The following TMEM38B variants were observed in gnomAD, a reference collection of about 807,000 sequenced individuals.
TMEM38B encodes the protein trimeric intracellular cation channel type B.
In TMEM38B, 24 loss-of-function variants were observed where a neutral mutation model predicts 28.7. That is an observed-to-expected ratio of 0.84 (90% CI 0.61 to 1.18). The LOEUF is 1.18. Ranked by LOEUF, TMEM38B falls within the 50% of genes most tolerant of loss-of-function variation. TMEM38B has a pLI of 0.00. For missense variants in TMEM38B, 380 were observed against 350.9 expected, an observed-to-expected ratio of 1.08 and a Z score of -0.66; for synonymous variants, 131 against 127.7, an observed-to-expected ratio of 1.03 and a Z score of -0.17.
At chr9:105,704,331 A>G (rs1039463628) in intron 1 of TMEM38B, among the ~76,000 whole-genome samples, 5 of 152,086 alleles carry the variant, frequency 3.3e-5, no homozygotes, top group Non-Finnish European at 7.4e-5. Context: ...CAGGATGCTG[A>G]GGTTGCTGTG....
intron 5 of TMEM38B, among the ~76,000 whole-genome samples, chr9:105,752,226 A>G (rs1043867996): frequency 6.6e-6 from 1 of 152,174 alleles, no homozygotes; most frequent in Non-Finnish European, 1.5e-5. Flanking sequence ...TCTGTGACTC[A>G]GTTGACTCAT....
In TMEM38B at chr9:105,728,656, A is replaced by G. The variant is rs374505047; in HGVS notation, c.542+6035A>G. 8.5e-5 allele frequency among the ~76,000 whole-genome samples: 13 copies of G among 152,286 alleles called. No homozygotes were observed. In the East Asian group the frequency reaches 2.1e-3, roughly 25 times the overall value. ...ATTTCTAGTTCTAGATCCTTGAGGA[A>G]TCACCACTGTCTTCCACAATGGTTG... On this transcript the variant is annotated intron_variant, in intron 4 of 5. Coordinates refer to ENST00000374692, the MANE Select transcript of TMEM38B (RefSeq NM_018112.3).
In TMEM38B at chr9:105,767,928, T is replaced by C. The variant is rs186132118; in HGVS notation, c.661-5937T>C. 6.4e-3 allele frequency among the ~76,000 whole-genome samples: 978 copies of C among 152,290 alleles called. 4 individuals are homozygous for C. The highest frequency in any genetic ancestry group is 0.01 in the Middle Eastern group (3 of 294). On this transcript the variant is annotated intron_variant, in intron 5 of 5. Coordinates refer to ENST00000374692, the MANE Select transcript of TMEM38B (RefSeq NM_018112.3). ...TTCAACCCGGATGCTGTTTTTTTCC[T>C]TGCCTTATTATATTGGCTAGAATGT...
chr9:105,728,231 ATC>A (rs539365614), intron 4 of TMEM38B, among the ~76,000 whole-genome samples: 2 of 151,836 alleles, frequency 1.3e-5, no homozygotes, highest in Non-Finnish European at 2.9e-5. Context: ...TCCTAACACT[ATC>A]TCTCTCCCAG....
At chr9:105,744,624 T>C (rs904345952) in intron 4 of TMEM38B, among the ~76,000 whole-genome samples, 3 of 152,134 alleles carry the variant, frequency 2.0e-5, no homozygotes, top group Admixed American at 6.6e-5. Context: ...TTAGGGTACA[T>C]GTGCAGAACG....
At chr9:105,748,000 A>C in intron 4 of TMEM38B, 73 bp from the exon 5 acceptor site, 2 of 949,998 alleles carry the variant, frequency 2.1e-6, no homozygotes, top group Non-Finnish European at 3.4e-6. Flanking sequence ...AATGTTTTGC[A>C]GTGCACTCTT....
chr9:105,767,931 C>A (rs1826427520), intron 5 of TMEM38B, among the ~76,000 whole-genome samples: 1 of 151,860 alleles, frequency 6.6e-6, no homozygotes, highest in South Asian at 2.1e-4. Flanking sequence ...TTTTTCCTTG[C>A]CTTATTATAT....
intron 2 of TMEM38B, among the ~76,000 whole-genome samples, chr9:105,720,405 G>GT (rs1836274914): frequency 6.6e-6 from 1 of 152,014 alleles, no homozygotes; most frequent in South Asian, 2.1e-4. Context: ...AATTGGTTTA[G>GT]TTTTACAGAG....
intron 5 of TMEM38B, chr9:105,760,622 A>T: frequency 1.3e-6 from 1 of 783,694 alleles, no homozygotes; most frequent in Non-Finnish European, 2.3e-6. Context: ...CAGTTTCAGA[A>T]GGAATACCCC....
Position 105,775,200 on chromosome 9 carries a change from G to A in TMEM38B, c.*1120G>A, listed in dbSNP as rs1826687817. The A allele has an allele frequency of 6.6e-6, 1 of 151,990 alleles. No homozygotes were observed. Among genetic ancestry groups the A allele is most frequent in the Non-Finnish European group, 1.5e-5 (1 of 67,942 alleles). 9.4% of individuals were successfully genotyped at this position (151,990 alleles called of 1,614,324 possible). A position where few individuals can be genotyped will look rare whatever the true frequency, so the allele number is the denominator to read the frequency against. The stretch of plus-strand genomic sequence containing the variant: ...CTCTGAGAATTGTCCTTAGGCATTT[G>A]GTAGTAACCAGCTAACCAAGAAGAA... On this transcript the variant is annotated 3_prime_UTR_variant, in exon 6 of 6. Coordinates refer to ENST00000374692, the MANE Select transcript of TMEM38B (RefSeq NM_018112.3).
At chr9:105,749,833 G>A (rs10046878) in intron 5 of TMEM38B, among the ~76,000 whole-genome samples, 1,543 of 152,266 alleles carry the variant, frequency 0.01, 23 homozygotes, top group African/African-American at 0.035. Context: ...GAACATTCAT[G>A]TAAAAATTTT....
At chr9:105,770,084 G>A (rs1387291373) in intron 5 of TMEM38B, among the ~76,000 whole-genome samples, 1 of 152,006 alleles carries the variant, frequency 6.6e-6, no homozygotes, top group Non-Finnish European at 1.5e-5. Context: ...CATTGAATAA[G>A]GTGTAATGTA....
At chr9:105,769,421 T>G (rs1826473907) in intron 5 of TMEM38B, among the ~76,000 whole-genome samples, 1 of 152,182 alleles carries the variant, frequency 6.6e-6, no homozygotes. Flanking sequence ...GCTCAAGTGA[T>G]CTTCCCACCT....
chr9:105,750,337 T>C (rs1837601808), intron 5 of TMEM38B, among the ~76,000 whole-genome samples: 1 of 152,152 alleles, frequency 6.6e-6, no homozygotes, highest in African/African-American at 2.4e-5. Context: ...TAAAATTTTG[T>C]TGAAGGCCGG....
chr9:105,736,391 C>G (rs1836981038), intron 4 of TMEM38B, among the ~76,000 whole-genome samples: 2 of 151,962 alleles, frequency 1.3e-5, no homozygotes, highest in Non-Finnish European at 2.9e-5. Flanking sequence ...GCTATTGCAG[C>G]TCTATTTTTT....
At chr9:105,712,814 C>G (rs1284192281) in intron 2 of TMEM38B, among the ~76,000 whole-genome samples, 3 of 152,252 alleles carry the variant, frequency 2.0e-5, no homozygotes, top group African/African-American at 7.2e-5. Flanking sequence ...GCCCCACACC[C>G]CCCACAGCCC....
chr9:105,702,452 A>G (rs1280031635), intron 1 of TMEM38B, among the ~76,000 whole-genome samples: 1 of 152,170 alleles, frequency 6.6e-6, no homozygotes, highest in African/African-American at 2.4e-5. Context: ...TGGAACTAAA[A>G]TAGACTGAGT....
intron 1 of TMEM38B, among the ~76,000 whole-genome samples, chr9:105,695,598 A>G (rs925127764): frequency 6.6e-6 from 1 of 152,128 alleles, no homozygotes; most frequent in East Asian, 1.9e-4. Context: ...TAGTTATTCT[A>G]CTGTGCTTTT....
In TMEM38B at chr9:105,774,495, A is replaced by G. The variant is rs1826665456; in HGVS notation, c.*415A>G. On this transcript the variant is annotated 3_prime_UTR_variant, in exon 6 of 6. Transcript: ENST00000374692. ...CAGAATTAAATTTTTACTTGACATT[A>G]TCATTAAAATTGCTAGGTATGGAGA... The G allele has an allele frequency of 6.5e-6, 1 of 153,194 alleles. No homozygotes were observed. Among genetic ancestry groups the G allele is most frequent in the Admixed American group, 6.5e-5 (1 of 15,308 alleles). 9.5% of individuals were successfully genotyped at this position (153,194 alleles called of 1,614,324 possible).
Sources: gnomAD v4.1 joint callset for allele counts (sites outside exome capture counted in the v4.1 genomes callset) on GRCh38, gnomAD v4.1.1 for gene constraint, MANE v1.5 for transcripts, NCBI Gene and HGNC (gene_info 2026-07-23, HGNC 2026-07-21) for gene names.